The following CPQ variants were observed in gnomAD, a reference collection of about 807,000 sequenced individuals.
The protein encoded by CPQ is carboxypeptidase Q.
A neutral mutation model predicts 45.7 loss-of-function variants in CPQ; 37 were observed. That is an observed-to-expected ratio of 0.81 (90% CI 0.62 to 1.07). CPQ has a LOEUF of 1.07. CPQ is among the 50% of genes least tolerant of loss of function. The pLI is 0.00. For missense variants in CPQ, 537 were observed against 572.9 expected, an observed-to-expected ratio of 0.94 and a Z score of 0.64; for synonymous variants, 186 against 205.8, an observed-to-expected ratio of 0.90 and a Z score of 0.82.
chr8:96,732,323 C>T (rs1035418955), intron 1 of CPQ: 1 of 152,194 alleles, frequency 6.6e-6, no homozygotes, highest in Non-Finnish European at 1.5e-5. Flanking sequence ...TCAGCATTCA[C>T]AATGTAGAAC....
intron 1 of CPQ, among the ~76,000 whole-genome samples, chr8:96,689,422 A>G (rs1383195971): frequency 6.6e-6 from 1 of 152,160 alleles, no homozygotes; most frequent in Non-Finnish European, 1.5e-5. Flanking sequence ...ACCATAATGT[A>G]TTTGTTTTGG....
At chr8:96,716,070 G>A (rs1809669217) in intron 1 of CPQ, among the ~76,000 whole-genome samples, 1 of 152,182 alleles carries the variant, frequency 6.6e-6, no homozygotes, top group Non-Finnish European at 1.5e-5. Context: ...TAATGAACTG[G>A]TCATGTGGAC....
intron 1 of CPQ, among the ~76,000 whole-genome samples, chr8:96,730,719 C>CT (rs1439048974): frequency 2.0e-5 from 3 of 151,674 alleles, no homozygotes; most frequent in African/African-American, 7.3e-5. Flanking sequence ...CTAAAACACA[C>CT]TGATGTCTGG....
intron 3 of CPQ, among the ~76,000 whole-genome samples, chr8:96,836,699 G>C (rs922093150): frequency 2.6e-5 from 4 of 152,084 alleles, no homozygotes; most frequent in Non-Finnish European, 5.9e-5. Context: ...GAAACTGGGT[G>C]ATTGCCAGAA....
chr8:96,908,190 AAG>A (rs1236187666), intron 4 of CPQ, among the ~76,000 whole-genome samples: 1 of 150,160 alleles, frequency 6.7e-6, no homozygotes, highest in African/African-American at 2.5e-5. Flanking sequence ...AGAGAGGGAG[AAG>A]AGAGAGAGAA....
intron 3 of CPQ, 82 bp downstream of exon 3, chr8:96,835,262 C>G: frequency 2.7e-6 from 3 of 1,099,710 alleles, no homozygotes; most frequent in Non-Finnish European, 3.7e-6. Flanking sequence ...TAAAAACAAA[C>G]CATTCAAATG....
intron 4 of CPQ, among the ~76,000 whole-genome samples, chr8:96,939,515 A>G (rs942818637): frequency 4.6e-5 from 7 of 152,176 alleles, no homozygotes; most frequent in African/African-American, 1.7e-4. Context: ...TTTCCATATT[A>G]TGAGTATGTT....
chr8:96,720,604 T>C (rs550337998), intron 1 of CPQ, among the ~76,000 whole-genome samples: 4 of 152,336 alleles, frequency 2.6e-5, no homozygotes, highest in African/African-American at 9.6e-5. Flanking sequence ...TAGGCTTTTC[T>C]TGGACTAGTT....
intron 1 of CPQ, among the ~76,000 whole-genome samples, chr8:96,694,739 A>C (rs551959931): frequency 1.3e-5 from 2 of 152,300 alleles, no homozygotes; most frequent in South Asian, 2.1e-4. Flanking sequence ...GAAACACAAC[A>C]TACCAAAACC....
rs1037262805 is a variant in CPQ at position 96,733,724 on chromosome 8, T to A, written c.-34-51140T>A. ...CGTGTAAATAATGAGGTATCTCATT[T>A]TTTTCCTGAAAAAAAATCTTTGAAA... On this transcript the variant is annotated intron_variant, in intron 1 of 7. Coordinates refer to ENST00000220763, the MANE Select transcript of CPQ (RefSeq NM_016134.4). 3.9e-5 allele frequency among the ~76,000 whole-genome samples: 6 copies of A among 152,178 alleles called. 1 individual carries two copies. Among genetic ancestry groups the A allele is most frequent in the Middle Eastern group, 6.3e-3 (2 of 316 alleles).
intron 1 of CPQ, among the ~76,000 whole-genome samples, chr8:96,654,772 T>C (rs556606841): frequency 6.6e-6 from 1 of 152,350 alleles, no homozygotes; most frequent in African/African-American, 2.4e-5. Context: ...TGGTAGCTGA[T>C]GTTTATCTTT....
chr8:96,655,954 A>G (rs1287262859), intron 1 of CPQ, among the ~76,000 whole-genome samples: 1 of 152,196 alleles, frequency 6.6e-6, no homozygotes, highest in Non-Finnish European at 1.5e-5. Context: ...TCCTGGGCTC[A>G]TAAGATTCTC....
rs183677624 is a variant in CPQ, at chr8:96,733,261, G to T, written c.-34-51603G>T. ...TTACTTTCCTTTATACCTCCACATT[G>T]CCAGGACATTTAAAAGCCTCTTCCA... On this transcript the variant is annotated intron_variant, in intron 1 of 7. Coordinates refer to ENST00000220763, the MANE Select transcript of CPQ (RefSeq NM_016134.4). 7.7e-4 allele frequency among the ~76,000 whole-genome samples: 117 copies of T among 152,180 alleles called. 1 individual carries two copies. The highest frequency in any genetic ancestry group is 2.0e-3 in the Admixed American group (30 of 15,280).
At chr8:97,038,188 A>G (rs1810035290) in intron 6 of CPQ, among the ~76,000 whole-genome samples, 1 of 152,144 alleles carries the variant, frequency 6.6e-6, no homozygotes, top group African/African-American at 2.4e-5. Flanking sequence ...ACCATTACTA[A>G]CCTAAGTAAA....
intron 3 of CPQ, among the ~76,000 whole-genome samples, chr8:96,855,596 C>T (rs1213774323): frequency 2.0e-5 from 3 of 152,200 alleles, no homozygotes; most frequent in Non-Finnish European, 2.9e-5. Context: ...CTTTCAGCCG[C>T]TCTCATTTAT....
At chr8:96,694,991 G>A (rs1397712081) in intron 1 of CPQ, among the ~76,000 whole-genome samples, 1 of 151,772 alleles carries the variant, frequency 6.6e-6, no homozygotes, top group Non-Finnish European at 1.5e-5. Flanking sequence ...AGTCAATCCT[G>A]AGCCAAAAGA....
intron 1 of CPQ, among the ~76,000 whole-genome samples, chr8:96,690,829 A>G (rs1328979963): frequency 6.6e-6 from 1 of 152,192 alleles, no homozygotes; most frequent in African/African-American, 2.4e-5. Flanking sequence ...CTATGACTTT[A>G]GGGCCACATT....
rs368110623 is a variant in CPQ, at chr8:96,995,656, GT to G, written c.961+29623del. Among the ~76,000 whole-genome samples the G allele has an allele frequency of 1.7e-3, 243 of 142,448 alleles. 4 individuals carry two copies. The East Asian group carries it at 0.038, about 22-fold the overall frequency. The allele number at this position is 142,448 out of a possible 152,430, so 93.5% of individuals were successfully genotyped here. On this transcript the variant is annotated intron_variant, in intron 5 of 7. Transcript: ENST00000220763. ...CTGAGCTGAAATTTAGACTTGTGAG[GT>G]TTTTTTTTTTTTAAAAAAAAAACAC...
At chr8:96,739,019 C>T (rs1216090925) in intron 1 of CPQ, among the ~76,000 whole-genome samples, 2 of 151,434 alleles carry the variant, frequency 1.3e-5, no homozygotes, top group African/African-American at 4.9e-5. Flanking sequence ...AGTTCTAGAT[C>T]CCTGAGGAAT....
Sources: allele counts gnomAD v4.1 joint callset (sites outside exome capture counted in the v4.1 genomes callset), GRCh38; gene constraint gnomAD v4.1.1; transcripts MANE v1.5; gene names NCBI Gene and HGNC (gene_info 2026-07-23, HGNC 2026-07-21).